Variants in GIT2 observed in about 807,000 individuals in gnomAD.
GIT2 encodes the protein ARF GTPase-activating protein GIT2.
Under a neutral mutation model 100.3 loss-of-function variants are expected in GIT2, and 32 were observed. The observed-to-expected ratio is 0.32, with a 90% CI of 0.24 to 0.43. GIT2 has a LOEUF of 0.43. GIT2 is among the 20% of genes least tolerant of loss of function. The probability of loss-of-function intolerance (pLI) is 1.00; values close to 1 mark genes in which losing one functional copy is unlikely to be tolerated. For missense variants in GIT2, 737 were observed against 975.1 expected (o/e 0.76, Z 3.25); for synonymous variants, 353 against 364.1 (o/e 0.97, Z 0.35).
chr12:109,985,531 C>T (rs1887204561), intron 4 of GIT2, among the ~76,000 whole-genome samples: 2 of 152,158 alleles, frequency 1.3e-5, no homozygotes, highest in Non-Finnish European at 2.9e-5. Context: ...GTATGGACAA[C>T]ATGGTGAAAC....
chr12:109,995,454 C>A (rs1889168887), intron 1 of GIT2, among the ~76,000 whole-genome samples: 1 of 152,184 alleles, frequency 6.6e-6, no homozygotes, highest in Non-Finnish European at 1.5e-5. Flanking sequence ...TACGAGTATT[C>A]ATTGAATCTT....
intron 7 of GIT2, 21 bp downstream of exon 7, chr12:109,980,931 G>T: frequency 1.4e-6 from 2 of 1,436,170 alleles, no homozygotes; most frequent in South Asian, 1.1e-5. Flanking sequence ...GATGTGAAAC[G>T]GTCATTCTCC....
intron 7 of GIT2, among the ~76,000 whole-genome samples, chr12:109,975,267 G>C (rs1884786342): frequency 6.6e-6 from 1 of 152,060 alleles, no homozygotes; most frequent in Non-Finnish European, 1.5e-5. Context: ...GCAGTGGCAT[G>C]ATCAGCACTC....
Position 109,993,707 on chromosome 12 carries a change from C to T in GIT2, c.53-1947G>A, listed in dbSNP as rs146601375. On this transcript the variant is annotated intron_variant, in intron 1 of 19. Coordinates refer to ENST00000355312, the MANE Select transcript of GIT2 (RefSeq NM_057169.5). ...TCTCAGTATTCAGATATTTTCTAGACGTGAAATTCATGATCACTGGACAAA... is the reference window on the plus strand; with the variant it reads ...TCTCAGTATTCAGATATTTTCTAGATGTGAAATTCATGATCACTGGACAAA... 8.5e-3 allele frequency among the ~76,000 whole-genome samples: 1,291 copies of T among 152,062 alleles called. 16 individuals are homozygous for T. Among genetic ancestry groups the T allele is most frequent in the Admixed American group, 0.015 (235 of 15,274 alleles).
In GIT2 at chr12:109,959,468, C is replaced by T. The variant is rs186952261; in HGVS notation, c.1099+379G>A. 5.0e-3 allele frequency among the ~76,000 whole-genome samples: 761 copies of T among 152,166 alleles called. 4 individuals are homozygous for T. Among genetic ancestry groups the T allele is most frequent in the Middle Eastern group, 0.017 (5 of 294 alleles). On this transcript the variant is annotated intron_variant, in intron 12 of 19. Coordinates refer to ENST00000355312, the MANE Select transcript of GIT2 (RefSeq NM_057169.5). ...ACAGGGTAGGTTAAGTGTCCCAAAA[C>T]AAAACAGAAATCATATATAAGATAA...
intron 12 of GIT2, among the ~76,000 whole-genome samples, chr12:109,958,369 G>C (rs1266779468): frequency 1.3e-5 from 2 of 151,964 alleles, no homozygotes; most frequent in Non-Finnish European, 2.9e-5. Context: ...AGTCTCCTGA[G>C]TAGCTGGGAT....
chr12:109,938,707 A>T, intron 17 of GIT2, 139 bp from the exon 18 acceptor site: 1 of 599,636 alleles, frequency 1.7e-6, no homozygotes, highest in Non-Finnish European at 2.9e-6. Flanking sequence ...CTAGCAGGAG[A>T]CTCATGGTAA....
chr12:109,994,234 G>A (rs1044648512), intron 1 of GIT2, among the ~76,000 whole-genome samples: 4 of 152,168 alleles, frequency 2.6e-5, no homozygotes, highest in Non-Finnish European at 5.9e-5. Flanking sequence ...AGAATCCCAT[G>A]GAAAGAATAT....
chr12:109,941,691 T>C (rs888398691), intron 16 of GIT2, among the ~76,000 whole-genome samples: 1 of 152,076 alleles, frequency 6.6e-6, no homozygotes, highest in Non-Finnish European at 1.5e-5. Flanking sequence ...CGAGCTAATT[T>C]TGTATTTTTA....
Position 109,984,591 on chromosome 12 carries a change from C to T in GIT2, c.406-897G>A, listed in dbSNP as rs191936614. ...CCTCCCAAACAGCTGGGACTACAGGCGCCGGCCACCATGCCCTGCTAACTT... is the reference window on the plus strand; with the variant it reads ...CCTCCCAAACAGCTGGGACTACAGGTGCCGGCCACCATGCCCTGCTAACTT... On this transcript the variant is annotated intron_variant, in intron 4 of 19. Transcript: ENST00000355312. Among the ~76,000 whole-genome samples, 6 of 151,510 alleles carry T rather than the reference C, an allele frequency of 4.0e-5. No homozygotes were observed. The East Asian group carries it at 7.9e-4, about 20-fold the overall frequency.
chr12:109,965,439 C>T (rs972728222), intron 9 of GIT2, 87 bp downstream of exon 9: 16 of 744,556 alleles, frequency 2.1e-5, no homozygotes, highest in South Asian at 1.7e-4. Context: ...AGTCATCAGA[C>T]GCAATAGGTA....
At chr12:109,935,077 T>TAA (rs200683974) in intron 18 of GIT2, among the ~76,000 whole-genome samples, 2 of 140,570 alleles carry the variant, frequency 1.4e-5, no homozygotes, top group Admixed American at 7.1e-5. Context: ...AGATTCCGTC[T>TAA]AAAAAAAAAA....
rs982754748 is a variant in GIT2 at position 109,942,406 on chromosome 12, T to C, written c.1731+2854A>G. Among the ~76,000 whole-genome samples, 3 of 152,096 alleles carry C rather than the reference T, an allele frequency of 2.0e-5. No homozygotes were observed. The East Asian group carries it at 5.8e-4, about 29-fold the overall frequency. ...GCAGTGGTGCAATCCTGGATCACTG[T>C]AACTTCTGCCTCGGCCTCCCAGGTT... On this transcript the variant is annotated intron_variant, in intron 16 of 19. Transcript: ENST00000355312.
chr12:109,999,798 CG>C (rs1448678691), upstream of GIT2: 27 of 1,520,440 alleles, frequency 1.8e-5, no homozygotes, highest in East Asian at 2.6e-5. The surrounding 1 kb of genome is among the most constrained non-coding windows in gnomAD (Gnocchi z 4.3). Flanking sequence ...AGGGGCGGGG[CG>C]GGGGTCCGTC....
chr12:109,980,746 T>C (rs1399048221), intron 7 of GIT2, among the ~76,000 whole-genome samples: 4 of 152,226 alleles, frequency 2.6e-5, no homozygotes, highest in Non-Finnish European at 4.4e-5. Flanking sequence ...CTATTAAAAA[T>C]GAAAAATCTA....
At chr12:109,946,812 G>C (rs1023286271) in intron 15 of GIT2, among the ~76,000 whole-genome samples, 1 of 152,154 alleles carries the variant, frequency 6.6e-6, no homozygotes, top group South Asian at 2.1e-4. Context: ...TTGAGGAGGA[G>C]CTGAAAAGAC....
chr12:109,968,921 G>A (rs980288345), intron 7 of GIT2, among the ~76,000 whole-genome samples: 1 of 150,848 alleles, frequency 6.6e-6, no homozygotes, highest in Admixed American at 6.6e-5. Context: ...ACAGGGTTTC[G>A]CCACATTGCC....
intron 1 of GIT2, among the ~76,000 whole-genome samples, chr12:109,995,933 T>C (rs913616728): frequency 1.1e-4 from 17 of 152,066 alleles, no homozygotes; most frequent in African/African-American, 3.9e-4. Flanking sequence ...CCAGTTGGCC[T>C]AGGACGGAGG....
At position 109,962,510 on chromosome 12, in the gene GIT2, C is replaced by T. The variant is rs1001550103; in HGVS notation, c.817-825G>A. Among the ~76,000 whole-genome samples the T allele has an allele frequency of 2.0e-5, 3 of 152,190 alleles. No homozygotes were observed. Among genetic ancestry groups the T allele is most frequent in the Non-Finnish European group, 4.4e-5 (3 of 68,028 alleles). ...TCCAGAAGGAAGCTTCCTACCAAAG[C>T]ACAGCCTGACTCTTCAGCACACAAC... On this transcript the variant is annotated intron_variant, in intron 9 of 19. Coordinates refer to ENST00000355312, the MANE Select transcript of GIT2 (RefSeq NM_057169.5). The surrounding 1 kb of genome is among the most constrained non-coding windows in gnomAD (Gnocchi z 4.3).
Sources: allele counts gnomAD v4.1 joint callset (sites outside exome capture counted in the v4.1 genomes callset), GRCh38; gene constraint gnomAD v4.1.1; non-coding constraint Gnocchi (gnomAD v3.1); transcripts MANE v1.5; gene names NCBI Gene and HGNC (gene_info 2026-07-23, HGNC 2026-07-21).